Variants in CTIF observed in about 807,000 individuals in gnomAD.
The protein encoded by CTIF is CBP80/20-dependent translation initiation factor.
CTIF carries 21 observed loss-of-function variants against 66.0 expected under a neutral mutation model. The ratio of observed to expected loss-of-function variants is 0.32; its 90% CI spans 0.23 to 0.46. The LOEUF is 0.46. Ranked by LOEUF, CTIF falls within the 20% of genes least tolerant of loss-of-function variation. The pLI, the probability that CTIF is intolerant of heterozygous loss-of-function variation, is 1.00. For missense variants in CTIF, 739 were observed against 812.7 expected, an observed-to-expected ratio of 0.91 and a Z score of 1.10; for synonymous variants, 345 against 326.4, an observed-to-expected ratio of 1.06 and a Z score of -0.62.
At chr18:48,789,882 G>A (rs1301361875) in intron 9 of CTIF, among the ~76,000 whole-genome samples, 1 of 152,228 alleles carries the variant, frequency 6.6e-6, no homozygotes, top group African/African-American at 2.4e-5. Context: ...TAGGGTACTG[G>A]TGAAGAGTAT....
chr18:48,777,237 G>T (rs1286461416), intron 9 of CTIF, among the ~76,000 whole-genome samples: 1 of 152,216 alleles, frequency 6.6e-6, no homozygotes, highest in African/African-American at 2.4e-5. Context: ...CTGCTGGGTG[G>T]GCAGGGCGGC....
intron 1 of CTIF, chr18:48,564,722 A>G (rs2143527853): frequency 6.6e-6 from 1 of 152,256 alleles, no homozygotes; most frequent in South Asian, 2.1e-4. Context: ...GGGGTCAAGT[A>G]ATACTTCCAC....
chr18:48,626,645 G>GTTTTT (rs59275308), intron 2 of CTIF, among the ~76,000 whole-genome samples: 1 of 122,794 alleles, frequency 8.1e-6, no homozygotes, highest in African/African-American at 3.3e-5. Flanking sequence ...GCACCTGGCC[G>GTTTTT]TTTTTTTTTT....
chr18:48,730,203 G>T (rs985488589), intron 7 of CTIF, among the ~76,000 whole-genome samples: 1 of 150,072 alleles, frequency 6.7e-6, no homozygotes, highest in African/African-American at 2.5e-5. Context: ...GGTGTGAGGG[G>T]CTCCTGTGGT....
chr18:48,603,553 G>T lies in CTIF; in HGVS notation c.-28-15985G>T, dbSNP rs370737124. Among the ~76,000 whole-genome samples, 13 of 150,512 alleles carry T rather than the reference G, an allele frequency of 8.6e-5. No individual in the cohort carries two copies. In the East Asian group the frequency reaches 2.0e-3, roughly 23 times the overall value. ...TAGATGGATGAATGTGTGGATGGATGGATGGATAAATGGGGGGGTGGATGG... is the reference window on the plus strand; with the variant it reads ...TAGATGGATGAATGTGTGGATGGATTGATGGATAAATGGGGGGGTGGATGG... On this transcript the variant is annotated intron_variant, in intron 1 of 11. Coordinates refer to ENST00000256413, the MANE Select transcript of CTIF (RefSeq NM_014772.3).
At chr18:48,818,886 G>A (rs770489400) in intron 10 of CTIF, among the ~76,000 whole-genome samples, 1 of 152,142 alleles carries the variant, frequency 6.6e-6, no homozygotes, top group Non-Finnish European at 1.5e-5. Context: ...CAGGAGTGTG[G>A]ACACGTCTTT....
At chr18:48,704,452 C>G (rs376071604) in intron 6 of CTIF, among the ~76,000 whole-genome samples, 1 of 152,144 alleles carries the variant, frequency 6.6e-6, no homozygotes, top group Non-Finnish European at 1.5e-5. Context: ...TTTTGCCCAC[C>G]ACTCCACCTG....
chr18:48,557,232 T>C (rs558798131), intron 1 of CTIF, among the ~76,000 whole-genome samples: 1 of 152,074 alleles, frequency 6.6e-6, no homozygotes, highest in Non-Finnish European at 1.5e-5. Flanking sequence ...CAAAACTTGT[T>C]TGGAGACCTG....
At chr18:48,820,912 G>A (rs2068470275) in intron 10 of CTIF, among the ~76,000 whole-genome samples, 2 of 152,202 alleles carry the variant, frequency 1.3e-5, no homozygotes, top group Admixed American at 6.5e-5. Flanking sequence ...TCATTCTGAG[G>A]TCCAAGCTTA....
chr18:48,591,315 C>T (rs1213192454), intron 1 of CTIF, among the ~76,000 whole-genome samples: 1 of 152,236 alleles, frequency 6.6e-6, no homozygotes, highest in African/African-American at 2.4e-5. Context: ...ATGTGGTACC[C>T]ACCGCTCCAG....
chr18:48,644,552 C>T (rs916553132), intron 3 of CTIF, among the ~76,000 whole-genome samples: 3 of 152,190 alleles, frequency 2.0e-5, no homozygotes, highest in African/African-American at 7.2e-5. Flanking sequence ...CCTTCTGGCT[C>T]CAGCTCACTT....
intron 6 of CTIF, among the ~76,000 whole-genome samples, chr18:48,680,805 C>T (rs977821601): frequency 9.2e-5 from 14 of 152,218 alleles, no homozygotes; most frequent in Non-Finnish European, 1.8e-4. Context: ...AGGAAGGTGT[C>T]GCCAAGGGTG....
At chr18:48,700,924 A>T (rs938642763) in intron 6 of CTIF, among the ~76,000 whole-genome samples, 1 of 152,136 alleles carries the variant, frequency 6.6e-6, no homozygotes, top group Non-Finnish European at 1.5e-5. Flanking sequence ...CCTCTTCTAG[A>T]GTTGGTTGAT....
chr18:48,546,544 A>G (rs778425560), intron 1 of CTIF, among the ~76,000 whole-genome samples: 5 of 151,832 alleles, frequency 3.3e-5, no homozygotes, highest in Non-Finnish European at 7.3e-5. Flanking sequence ...AAGAAGAGCT[A>G]AGCTCATGGA....
intron 7 of CTIF, among the ~76,000 whole-genome samples, chr18:48,722,663 C>T (rs183591665): frequency 2.6e-5 from 4 of 151,556 alleles, no homozygotes; most frequent in Non-Finnish European, 4.4e-5. Context: ...CGGCCGTACC[C>T]ATCAGCGCTC....
chr18:48,601,017 G>A (rs368185721), intron 1 of CTIF, among the ~76,000 whole-genome samples: 12 of 152,180 alleles, frequency 7.9e-5, no homozygotes, highest in Admixed American at 5.9e-4. Flanking sequence ...GCTCTCCTAC[G>A]TGTTGGGTAG....
At chr18:48,851,729 C>T (rs2069205356) in intron 10 of CTIF, among the ~76,000 whole-genome samples, 1 of 152,118 alleles carries the variant, frequency 6.6e-6, no homozygotes, top group Admixed American at 6.5e-5. Flanking sequence ...CGGCTGCTTC[C>T]CCAGCTGCCC....
chr18:48,846,747 G>A (rs1159464377), intron 10 of CTIF, among the ~76,000 whole-genome samples: 4 of 148,182 alleles, frequency 2.7e-5, no homozygotes, highest in African/African-American at 1.0e-4. Flanking sequence ...GGATGGATGA[G>A]TAGGTGAGTA....
In CTIF at chr18:48,761,324, C is replaced by A; in HGVS notation, c.1072-66C>A. 1 of 1,509,250 alleles carries A rather than the reference C, an allele frequency of 6.6e-7. No individual in the cohort carries two copies. Among genetic ancestry groups the A allele is most frequent in the Non-Finnish European group, 9.0e-7 (1 of 1,110,544 alleles). 93.5% of individuals were successfully genotyped at this position (1,509,250 alleles called of 1,614,324 possible). A position where few individuals can be genotyped will look rare whatever the true frequency, so the allele number is the denominator to read the frequency against. On this transcript the variant is annotated intron_variant, in intron 8 of 11. Transcript: ENST00000256413. This position sits in a 1 kb window ranked among gnomAD's most constrained non-coding sequence, Gnocchi z 4.2. ...CTGGGGGTGGCCACCCTCTTTCCAC[C>A]AGGCCACCCCTGCACAGAGACCTCG...
Sources: gnomAD v4.1 joint callset for allele counts (sites outside exome capture counted in the v4.1 genomes callset) on GRCh38, gnomAD v4.1.1 for gene constraint, Gnocchi (gnomAD v3.1) non-coding constraint, MANE v1.5 for transcripts, NCBI Gene and HGNC (gene_info 2026-07-23, HGNC 2026-07-21) for gene names.